Variants in TOP3B observed in about 807,000 individuals in gnomAD.
TOP3B encodes the protein DNA topoisomerase III beta.
TOP3B carries 45 observed loss-of-function variants against 93.9 expected under a neutral mutation model. The ratio of observed to expected loss-of-function variants is 0.48; its 90% CI spans 0.38 to 0.61. The LOEUF (loss-of-function observed/expected upper bound fraction) is 0.61. Among genes scored for constraint, TOP3B ranks in the 20% least tolerant of loss-of-function variants. TOP3B has a pLI of 0.00. For missense variants in TOP3B, 750 were observed against 1,156.1 expected, an observed-to-expected ratio of 0.65 and a Z score of 5.09; for synonymous variants, 357 against 472.6, an observed-to-expected ratio of 0.76 and a Z score of 3.17.
Position 21,959,650 on chromosome 22 carries a change from C to T in TOP3B, c.1741G>A (p.Val581Ile). The change falls in exon 15 of 18, where the codon GTC becomes ATC. Residue 581 changes from valine to isoleucine, a missense_variant. Val to Ile is a conservative substitution (Grantham distance 29). Transcript: ENST00000357179. ...AACACGTCCAGGGTGTGGCCCAGGACCTGGCGGTAGTCGGCCTTGCCCTGG... is the reference window on the plus strand; with the variant it reads ...AACACGTCCAGGGTGTGGCCCAGGATCTGGCGGTAGTCGGCCTTGCCCTGG... ...IAQGKADYRQ[V>I]LGHTLDVFKR... 3 of 1,613,836 alleles carry T rather than the reference C, an allele frequency of 1.9e-6. No individual in the cohort carries two copies. The highest frequency in any genetic ancestry group is 2.5e-6 in the Non-Finnish European group (3 of 1,179,952).
At chr22:21,980,454 C>T (rs919876858) in intron 1 of TOP3B, among the ~76,000 whole-genome samples, 3 of 152,336 alleles carry the variant, frequency 2.0e-5, no homozygotes, top group East Asian at 1.9e-4. Context: ...GGTCCAAGGT[C>T]GGCCTTGGGC....
Position 21,964,212 on chromosome 22 carries a change from G to C in TOP3B, c.1047C>G (p.Asp349Glu). Residue 349 changes from aspartate to glutamate, a missense_variant, in exon 10 of 18, where the codon GAC becomes GAG. Physicochemically the swap from Asp to Glu is conservative, Grantham distance 45 (BLOSUM62 2). Around this residue, in one of 4 missense-constraint regions of TOP3B, gnomAD observed 737 missense variants for 933.7 expected, o/e 0.79. Transcript: ENST00000357179. ...TETTHYPENF[D>E]LKGSLRQQAN... ...CCTGCTGCCGCAGAGAGCCCTTCAG[G>C]TCAAAGTTCTCAGGGTAGTGGGTGG... 6.2e-7 allele frequency: 1 copy of C among 1,614,200 alleles called. No homozygotes were observed. Among genetic ancestry groups the C allele is most frequent in the Non-Finnish European group, 8.5e-7 (1 of 1,180,040 alleles).
In TOP3B at chr22:21,968,942, G is replaced by A; in HGVS notation, c.582-167C>T. On this transcript the variant is annotated intron_variant, in intron 6 of 17. Transcript: ENST00000357179. ...GCAGAGTGGGCATAGCCTTAGGGAGGATTCATGTGTGTACATGGGTGACAG... is the reference window on the plus strand; with the variant it reads ...GCAGAGTGGGCATAGCCTTAGGGAGAATTCATGTGTGTACATGGGTGACAG... 4.5e-6 allele frequency: 3 copies of A among 669,168 alleles called. No homozygotes were observed. In the East Asian group the frequency reaches 8.1e-5, roughly 18 times the overall value. The allele number at this position is 669,168 out of a possible 1,614,324, so 41.5% of individuals were successfully genotyped here.
intron 9 of TOP3B, 160 bp from the exon 10 acceptor site, chr22:21,964,475 T>G (rs1601827365): frequency 2.6e-6 from 2 of 755,566 alleles, no homozygotes; most frequent in Non-Finnish European, 4.3e-6. Context: ...GCTGGCCGGG[T>G]GGGCACCTAT....
At chr22:21,959,861 C>G in intron 14 of TOP3B, 125 bp from the exon 15 acceptor site, 1 of 1,321,036 alleles carries the variant, frequency 7.6e-7, no homozygotes, top group Non-Finnish European at 1.0e-6. Flanking sequence ...TGGCCTCTGC[C>G]CTACCCACCA....
chr22:21,974,967 C>A (rs2071802431), intron 2 of TOP3B: 1 of 154,606 alleles, frequency 6.5e-6, no homozygotes, highest in Admixed American at 6.4e-5. Context: ...GCACCGTCCC[C>A]TGCGGACCAT....
chr22:21,974,540 C>T (rs896477517), intron 2 of TOP3B, 52 bp from the exon 3 acceptor site: 2 of 1,526,360 alleles, frequency 1.3e-6, no homozygotes, highest in Admixed American at 4.0e-5. Context: ...AGCTGAAGAC[C>T]CTGTGGAGAC....
intron 1 of TOP3B, chr22:21,977,093 T>C (rs897170784): frequency 2.6e-5 from 4 of 152,196 alleles, no homozygotes; most frequent in African/African-American, 9.7e-5. Flanking sequence ...AGAGGATCGC[T>C]TGCTTGAGGC....
intron 1 of TOP3B, chr22:21,977,151 C>A (rs975604205): frequency 2.0e-4 from 31 of 152,066 alleles, no homozygotes; most frequent in Non-Finnish European, 4.0e-4. Flanking sequence ...GTGGATAGAA[C>A]AGCCACTTCA....
Position 21,972,600 on chromosome 22 carries a change from AG to A in TOP3B, c.309+11del. 1.3e-6 allele frequency: 2 copies of A among 1,597,008 alleles called. No homozygotes were observed. The highest frequency in any genetic ancestry group is 3.5e-5 in the Admixed American group (2 of 57,456). On this transcript the variant is annotated intron_variant, in intron 4 of 17. Transcript: ENST00000357179. ...GCCCCGGTGTGCTCATGCCCAGGCC[AG>A]CCCCACGCACCTGCAGGAACTTCAC...
At chr22:21,965,261 C>T (rs376582578) in intron 9 of TOP3B, 24 bp downstream of exon 9, 53 of 1,555,394 alleles carry the variant, frequency 3.4e-5, no homozygotes, top group Non-Finnish European at 4.4e-5. Flanking sequence ...CTTCTGGTGA[C>T]TTGAGAGAAA....
chr22:21,961,398 C>T (rs1601816907), intron 13 of TOP3B: 1 of 152,314 alleles, frequency 6.6e-6, no homozygotes, highest in Non-Finnish European at 1.5e-5. Flanking sequence ...CAGAAGGTAA[C>T]ACCAGAGCCC....
intron 1 of TOP3B, among the ~76,000 whole-genome samples, chr22:21,979,748 T>G (rs1190619917): frequency 1.3e-5 from 2 of 151,906 alleles, no homozygotes; most frequent in East Asian, 3.9e-4. Flanking sequence ...AAGACCATCC[T>G]GACTAACGTG....
chr22:21,980,629 C>T (rs1458328152), intron 1 of TOP3B, among the ~76,000 whole-genome samples: 1 of 152,240 alleles, frequency 6.6e-6, no homozygotes, highest in Non-Finnish European at 1.5e-5. Flanking sequence ...AGAGCCGAGG[C>T]CTTGTGGAAT....
chr22:21,976,867 C>T (rs922817825), intron 1 of TOP3B: 3 of 152,036 alleles, frequency 2.0e-5, no homozygotes, highest in Non-Finnish European at 2.9e-5. Flanking sequence ...AAAAAAGACT[C>T]GTATTGAGAC....
At chr22:21,972,406 G>A (rs2071675770) in intron 4 of TOP3B, 1 of 545,282 alleles carries the variant, frequency 1.8e-6, no homozygotes, top group South Asian at 2.5e-5. Flanking sequence ...TGCTCTCCAG[G>A]ACTGAGGGTT....
At chr22:21,973,021 C>G (rs1290786422) in intron 3 of TOP3B, 2 of 415,232 alleles carry the variant, frequency 4.8e-6, no homozygotes, top group African/African-American at 4.1e-5. Flanking sequence ...GGGACTTTCC[C>G]TGTGGCTGGG....
At position 21,971,676 on chromosome 22, in the gene TOP3B, C is replaced by A. The variant is rs1296898471; in HGVS notation, c.384+201G>T. The A allele has an allele frequency of 3.3e-5, 21 of 633,148 alleles. No homozygotes were observed. Among genetic ancestry groups the A allele is most frequent in the Non-Finnish European group, 5.5e-5 (19 of 347,678 alleles). The allele number at this position is 633,148 out of a possible 1,614,324, so 39.2% of individuals were successfully genotyped here. Reference sequence around the variant, plus strand: ...GTTGAGGCCTCAGCAAGCGGAGGAACAACTGACCACCTTTAATAGAGCCTA... The same window carrying A: ...GTTGAGGCCTCAGCAAGCGGAGGAAAAACTGACCACCTTTAATAGAGCCTA... On this transcript the variant is annotated intron_variant, in intron 5 of 17. Coordinates refer to ENST00000357179, the MANE Select transcript of TOP3B (RefSeq NM_001282112.2). This position sits in a 1 kb window ranked among gnomAD's most constrained non-coding sequence, Gnocchi z 4.6.
At chr22:21,964,421 A>T in intron 9 of TOP3B, 106 bp from the exon 10 acceptor site, 1 of 1,385,972 alleles carries the variant, frequency 7.2e-7, no homozygotes, top group Non-Finnish European at 9.9e-7. Context: ...CCCCTCCTGG[A>T]GGGTGACGGT....
Sources: gnomAD v4.1 joint callset for allele counts (sites outside exome capture counted in the v4.1 genomes callset) on GRCh38, gnomAD v4.1.1 for gene constraint, gnomAD v4.1.1 regional missense constraint, Gnocchi (gnomAD v3.1) non-coding constraint, MANE v1.5 for transcripts, NCBI Gene and HGNC (gene_info 2026-07-23, HGNC 2026-07-21) for gene names.